CNGB3: variants seen among roughly 807,000 people sequenced by gnomAD.
CNGB3 encodes the protein cyclic nucleotide-gated channel beta-3.
CNGB3 carries 86 observed loss-of-function variants against 92.8 expected under a neutral mutation model. That is an observed-to-expected ratio of 0.93 (90% CI 0.78 to 1.11). CNGB3 has a LOEUF of 1.11. Among genes scored for constraint, CNGB3 ranks in the 50% least tolerant of loss-of-function variants. CNGB3 has a pLI of 0.00. For missense variants in CNGB3, 1,026 were observed against 956.8 expected, an observed-to-expected ratio of 1.07 and a Z score of -0.95; for synonymous variants, 333 against 332.7, an observed-to-expected ratio of 1.00 and a Z score of -0.01.
At chr8:86,741,318 C>G (rs558747921) in intron 1 of CNGB3, among the ~76,000 whole-genome samples, 1 of 151,982 alleles carries the variant, frequency 6.6e-6, no homozygotes, top group African/African-American at 2.4e-5. Flanking sequence ...TTTCCCATAC[C>G]CACATGTTCT....
chr8:86,717,555 CTG>C (rs1250244834), intron 3 of CNGB3, among the ~76,000 whole-genome samples: 161 of 84,012 alleles, frequency 1.9e-3, no homozygotes, highest in African/African-American at 8.2e-3. Context: ...GAGTGAGACT[CTG>C]TCTCAAAAAA....
intron 15 of CNGB3, among the ~76,000 whole-genome samples, chr8:86,590,113 T>G (rs1313855588): frequency 2.0e-5 from 3 of 152,072 alleles, no homozygotes; most frequent in Non-Finnish European, 4.4e-5. Flanking sequence ...TTGTCTCTTT[T>G]GATCTTTTTT....
At chr8:86,594,068 T>TACA in intron 15 of CNGB3, 1 of 338,100 alleles carries the variant, frequency 3.0e-6, no homozygotes, top group Non-Finnish European at 5.9e-6. Context: ...ATGCCCAGTT[T>TACA]TGTGCTGTAT....
chr8:86,737,069 C>T (rs190883286), intron 2 of CNGB3, among the ~76,000 whole-genome samples: 18 of 152,198 alleles, frequency 1.2e-4, no homozygotes, highest in African/African-American at 4.3e-4. Context: ...TACTGTTTTC[C>T]ATCTTTGTGG....
intron 3 of CNGB3, among the ~76,000 whole-genome samples, chr8:86,714,097 A>T (rs545194593): frequency 6.6e-6 from 1 of 152,310 alleles, no homozygotes; most frequent in African/African-American, 2.4e-5. Flanking sequence ...GGACAAATTT[A>T]TAATGACATG....
intron 13 of CNGB3, among the ~76,000 whole-genome samples, chr8:86,620,719 G>C (rs1200662334): frequency 6.6e-6 from 1 of 152,120 alleles, no homozygotes; most frequent in African/African-American, 2.4e-5. Flanking sequence ...GAGGAGACTG[G>C]TTCAGAAGCA....
chr8:86,636,107 C>G (rs1337452921), intron 10 of CNGB3, among the ~76,000 whole-genome samples: 1 of 151,836 alleles, frequency 6.6e-6, no homozygotes, highest in African/African-American at 2.4e-5. Flanking sequence ...CTTGCTTCGT[C>G]ACATATTCCT....
intron 8 of CNGB3, 75 bp from the exon 9 acceptor site, chr8:86,644,761 TA>T (rs1823265985): frequency 1.0e-6 from 1 of 965,712 alleles, no homozygotes; most frequent in Non-Finnish European, 1.4e-6. Flanking sequence ...CTATATGAAA[TA>T]GATTTTATTA....
chr8:86,689,628 T>G (rs1824265681), intron 3 of CNGB3, among the ~76,000 whole-genome samples: 1 of 152,094 alleles, frequency 6.6e-6, no homozygotes, highest in Non-Finnish European at 1.5e-5. Flanking sequence ...TTGTTACATA[T>G]GTATACATGT....
chr8:86,722,359 A>C (rs1411497349), intron 3 of CNGB3, among the ~76,000 whole-genome samples: 3 of 152,194 alleles, frequency 2.0e-5, no homozygotes, highest in Non-Finnish European at 2.9e-5. Flanking sequence ...AAATGGCATC[A>C]GTGGGACTTC....
chr8:86,608,994 G>T (rs1233686479), intron 14 of CNGB3, among the ~76,000 whole-genome samples: 1 of 151,978 alleles, frequency 6.6e-6, no homozygotes, highest in African/African-American at 2.4e-5. Context: ...TCTCATCGCC[G>T]CACACAGGGA....
intron 6 of CNGB3, chr8:86,661,102 G>A (rs1452688126): frequency 4.7e-6 from 1 of 214,138 alleles, no homozygotes; most frequent in Admixed American, 5.4e-5. Context: ...CAGTAAAAAT[G>A]TAGCCATTAG....
chr8:86,694,918 A>G (rs1400200159), intron 3 of CNGB3, among the ~76,000 whole-genome samples: 1 of 152,182 alleles, frequency 6.6e-6, no homozygotes, highest in Non-Finnish European at 1.5e-5. Context: ...CAGAGGCTGC[A>G]ATCTCAGCAC....
At chr8:86,582,514 A>G (rs989371118) in intron 15 of CNGB3, among the ~76,000 whole-genome samples, 1 of 152,178 alleles carries the variant, frequency 6.6e-6, no homozygotes, top group African/African-American at 2.4e-5. Context: ...ACAAATGAAA[A>G]ACCCCCAACT....
intron 13 of CNGB3, among the ~76,000 whole-genome samples, chr8:86,625,203 C>T (rs953098837): frequency 4.6e-5 from 7 of 152,084 alleles, no homozygotes; most frequent in South Asian, 2.1e-4. Flanking sequence ...TTGTTCATGG[C>T]GTTATCACCT....
intron 13 of CNGB3, among the ~76,000 whole-genome samples, chr8:86,615,569 C>A (rs1822603140): frequency 6.6e-6 from 1 of 152,058 alleles, no homozygotes; most frequent in South Asian, 2.1e-4. Flanking sequence ...CACCATTACT[C>A]TCTAGCCTGG....
intron 3 of CNGB3, among the ~76,000 whole-genome samples, chr8:86,700,664 A>G (rs1824538136): frequency 6.6e-6 from 1 of 152,184 alleles, no homozygotes; most frequent in Admixed American, 6.5e-5. Context: ...TTTGAGACAG[A>G]GTCTTGCTCT....
chr8:86,674,673 C>T (rs895433638), intron 3 of CNGB3, among the ~76,000 whole-genome samples: 1 of 152,146 alleles, frequency 6.6e-6, no homozygotes, highest in South Asian at 2.1e-4. Context: ...GTTTATATTA[C>T]CAATTTTATG....
intron 3 of CNGB3, among the ~76,000 whole-genome samples, chr8:86,702,367 A>G (rs1369604298): frequency 6.6e-6 from 1 of 152,202 alleles, no homozygotes; most frequent in Non-Finnish European, 1.5e-5. Flanking sequence ...TACACATTTT[A>G]TATTATTATA....
Sources: gnomAD v4.1 joint callset for allele counts (sites outside exome capture counted in the v4.1 genomes callset) on GRCh38, gnomAD v4.1.1 for gene constraint, MANE v1.5 for transcripts, NCBI Gene and HGNC (gene_info 2026-07-23, HGNC 2026-07-21) for gene names.